ZNF600: variants seen among roughly 807,000 people sequenced by gnomAD.
ZNF600 encodes the protein zinc finger protein KR-ZNF1.
Under a neutral mutation model 7.3 loss-of-function variants are expected in ZNF600, and 4 were observed. That is an observed-to-expected ratio of 0.55 (90% CI 0.27 to 1.25). The LOEUF is 1.25. Ranked by LOEUF, ZNF600 falls within the 50% of genes most tolerant of loss-of-function variation. The pLI is 0.12. For synonymous variants in ZNF600, 290 were observed against 308.9 expected, an observed-to-expected ratio of 0.94 and a Z score of 0.64; for missense variants, 911 against 922.1, an observed-to-expected ratio of 0.99 and a Z score of 0.16.
At chr19:52,808,027 T>C in the ZNF600 span, 184 of 1,613,520 alleles carry the variant, frequency 1.1e-4, 1 homozygote, top group South Asian at 1.9e-3. Flanking sequence ...CAGGTTCCTA[T>C]AATTCTCCAG....
chr19:52,814,265 G>A, the ZNF600 span: 1 of 145,920 alleles, frequency 6.9e-6, no homozygotes. Context: ...TACACATCGT[G>A]TGATGTTTAA....
chr19:52,777,309 C>G (rs2062683993), intron 2 of ZNF600, among the ~76,000 whole-genome samples: 1 of 152,020 alleles, frequency 6.6e-6, no homozygotes, highest in Non-Finnish European at 1.5e-5. Flanking sequence ...AGCCAGAAGG[C>G]AGAGGGGCAG....
the ZNF600 span, among the ~76,000 whole-genome samples, chr19:52,819,210 C>G: frequency 2.2e-5 from 3 of 135,524 alleles, 1 homozygote; most frequent in East Asian, 6.1e-4. Context: ...ACCCTGAACA[C>G]AGGGCTGTGG....
chr19:52,806,954 G>A, the ZNF600 span, among the ~76,000 whole-genome samples: 1 of 152,052 alleles, frequency 6.6e-6, no homozygotes, highest in South Asian at 2.1e-4. Context: ...ATAAGCGGGG[G>A]CAAAGAAAGA....
At chr19:52,828,888 T>G in the ZNF600 span, among the ~76,000 whole-genome samples, 51 of 152,240 alleles carry the variant, frequency 3.3e-4, 1 homozygote, top group Middle Eastern at 6.8e-3. Flanking sequence ...TGAGACGGGG[T>G]CTCCCCCTGT....
the ZNF600 span, chr19:52,801,217 T>G: frequency 6.6e-5 from 106 of 1,605,964 alleles, 1 homozygote; most frequent in Middle Eastern, 9.9e-4. Context: ...TTTTCTCTCA[T>G]GTGTACATTC....
exon 1 of ZNF600, chr19:52,786,769 CG>C: frequency 3.4e-6 from 1 of 290,994 alleles, no homozygotes; most frequent in Non-Finnish European, 7.2e-6. Flanking sequence ...GATCCGCTTC[CG>C]GGTTTGTGCG....
At chr19:52,823,309 G>A in the ZNF600 span, among the ~76,000 whole-genome samples, 1 of 152,244 alleles carries the variant, frequency 6.6e-6, no homozygotes, top group East Asian at 1.9e-4. Flanking sequence ...CATCTCCCGG[G>A]TTCAAGCAGC....
chr19:52,787,513 TCTC>T (rs2062775236), upstream of ZNF600, among the ~76,000 whole-genome samples: 1 of 148,304 alleles, frequency 6.7e-6, no homozygotes, highest in Admixed American at 6.7e-5. Context: ...TTCACGCCCT[TCTC>T]CTGCCTCAGC....
At chr19:52,765,332 A>G in exon 4 of ZNF600, 1 of 713,074 alleles carries the variant, frequency 1.4e-6, no homozygotes, top group African/African-American at 1.7e-5. Context: ...CACAATCATC[A>G]CACATGTGAG....
At chr19:52,787,629 C>A (rs1372581968), upstream of ZNF600, among the ~76,000 whole-genome samples, 3 of 151,252 alleles carry the variant, frequency 2.0e-5, no homozygotes, top group Admixed American at 6.6e-5. Flanking sequence ...GAGGCTGAGG[C>A]GGGCAGATCA....
chr19:52,788,449 T>G (rs1452126816), upstream of ZNF600, among the ~76,000 whole-genome samples: 1 of 152,130 alleles, frequency 6.6e-6, no homozygotes, highest in Non-Finnish European at 1.5e-5. Context: ...GAGATTTAAT[T>G]TTTAGAAATC....
intron 2 of ZNF600, among the ~76,000 whole-genome samples, chr19:52,778,482 T>A (rs939946574): frequency 1.3e-5 from 2 of 152,192 alleles, no homozygotes; most frequent in African/African-American, 4.8e-5. Flanking sequence ...ATATGTAGTT[T>A]CTCTGATCTG....
the ZNF600 span, among the ~76,000 whole-genome samples, chr19:52,795,049 C>T: frequency 4.4e-4 from 67 of 152,148 alleles, 1 homozygote; most frequent in East Asian, 0.012. Flanking sequence ...AAAGAAGCAG[C>T]GGTACAAATG....
upstream of ZNF600, among the ~76,000 whole-genome samples, chr19:52,790,756 G>A (rs1174487804): frequency 6.9e-6 from 1 of 144,440 alleles, no homozygotes; most frequent in Non-Finnish European, 1.5e-5. Flanking sequence ...GCACAATCTC[G>A]GCTTACTGTA....
intron 1 of ZNF600, among the ~76,000 whole-genome samples, chr19:52,782,249 C>T (rs1410560235): frequency 3.9e-5 from 6 of 152,006 alleles, no homozygotes; most frequent in East Asian, 1.9e-4. Context: ...AAAGGCTGGA[C>T]GCAGCAGCTC....
upstream of ZNF600, among the ~76,000 whole-genome samples, chr19:52,790,682 C>A (rs1369721863): frequency 1.0e-5 from 1 of 98,566 alleles, no homozygotes; most frequent in African/African-American, 4.3e-5. Flanking sequence ...TCTCTCTCTC[C>A]TTTTTTTTTT....
the ZNF600 span, among the ~76,000 whole-genome samples, chr19:52,831,420 T>C: frequency 6.6e-6 from 1 of 151,956 alleles, no homozygotes; most frequent in African/African-American, 2.4e-5. Flanking sequence ...AGCAATTCTC[T>C]TGCCTCAGCC....
the ZNF600 span, chr19:52,807,771 A>T: frequency 9.9e-6 from 7 of 709,956 alleles, no homozygotes; most frequent in African/African-American, 1.3e-4. Flanking sequence ...CACCACGACC[A>T]GGCTGCCATA....
Sources: allele counts gnomAD v4.1 joint callset (sites outside exome capture counted in the v4.1 genomes callset), GRCh38; gene constraint gnomAD v4.1.1; transcripts MANE v1.5; gene names NCBI Gene and HGNC (gene_info 2026-07-23, HGNC 2026-07-21).